Variants in HCN4 observed in about 807,000 individuals in gnomAD.
The protein encoded by HCN4 is hyperpolarization activated cyclic nucleotide gated potassium channel 4.
Under a neutral mutation model 76.9 loss-of-function variants are expected in HCN4, and 29 were observed. The ratio of observed to expected loss-of-function variants is 0.38; its 90% CI spans 0.28 to 0.51. The LOEUF is 0.51. Ranked by LOEUF, HCN4 falls within the 20% of genes least tolerant of loss-of-function variation. HCN4 has a pLI of 0.90. For synonymous variants in HCN4, 772 were observed against 762.5 expected, an observed-to-expected ratio of 1.01 and a Z score of -0.21; for missense variants, 1,416 against 1,715.2, an observed-to-expected ratio of 0.83 and a Z score of 3.08.
chr15:73,350,775 T>C (rs2043052251), intron 1 of HCN4, among the ~76,000 whole-genome samples: 1 of 151,938 alleles, frequency 6.6e-6, no homozygotes, highest in Middle Eastern at 3.2e-3. Context: ...GAAGATTCCC[T>C]CTCTCTCTTC....
At chr15:73,355,906 G>C (rs2151224757) in intron 1 of HCN4, among the ~76,000 whole-genome samples, 1 of 152,282 alleles carries the variant, frequency 6.6e-6, no homozygotes, top group South Asian at 2.1e-4. Context: ...GGGGAAGATG[G>C]GGGAGGTAAC....
At chr15:73,333,660 T>C (rs2042946398) in intron 2 of HCN4, among the ~76,000 whole-genome samples, 1 of 152,132 alleles carries the variant, frequency 6.6e-6, no homozygotes, top group Non-Finnish European at 1.5e-5. Flanking sequence ...CTTTCCAGGA[T>C]GAAGTGGACA....
intron 1 of HCN4, among the ~76,000 whole-genome samples, chr15:73,360,394 A>G (rs1326292303): frequency 1.3e-5 from 2 of 152,032 alleles, no homozygotes; most frequent in Non-Finnish European, 2.9e-5. Flanking sequence ...CTATGAAACA[A>G]AGGCTCCAGG....
chr15:73,363,589 G>A (rs1366941123), intron 1 of HCN4, among the ~76,000 whole-genome samples: 1 of 152,170 alleles, frequency 6.6e-6, no homozygotes, highest in Non-Finnish European at 1.5e-5. Context: ...CAGAAATTAA[G>A]TGCCACACTC....
At position 73,322,493 on chromosome 15, in the gene HCN4, T is replaced by C. The variant is rs529004; in HGVS notation, c.3600A>G (p.Pro1200=). 1,468,713 of 1,593,540 alleles carry C rather than the reference T, an allele frequency of 0.92. 678,515 individuals are homozygous for C. The highest frequency in any genetic ancestry group is 0.95 in the Admixed American group (54,713 of 57,398). ...ARPEPVRSKL[P]SNL ...GGAAGGGCCCAGCTCATAGATTGGA[T>C]GGCAGTTTGGAGCGCACTGGCTCAG... The change falls in exon 8 of 8, where the codon CCA becomes CCG. Residue 1200 remains proline, a synonymous_variant. Transcript: ENST00000261917.
chr15:73,350,802 C>G (rs1458977927), intron 1 of HCN4, among the ~76,000 whole-genome samples: 6 of 152,148 alleles, frequency 3.9e-5, no homozygotes, highest in African/African-American at 1.4e-4. Flanking sequence ...TCTCTCTCCA[C>G]TGATCCTTTC....
chr15:73,358,671 G>C (rs2043091828), intron 1 of HCN4, among the ~76,000 whole-genome samples: 1 of 152,168 alleles, frequency 6.6e-6, no homozygotes, highest in South Asian at 2.1e-4. Context: ...CAGGGACTAA[G>C]GAGTACAGGT....
Position 73,325,278 on chromosome 15 carries a change from C to T in HCN4, c.1737+20G>A, listed in dbSNP as rs115706632. 4,225 of 1,614,028 alleles carry T rather than the reference C, an allele frequency of 2.6e-3. 91 individuals are homozygous for T. In the African/African-American group the frequency reaches 0.049, roughly 19 times the overall value. On this transcript the variant is annotated intron_variant, in intron 5 of 7. Coordinates refer to ENST00000261917, the MANE Select transcript of HCN4 (RefSeq NM_005477.3). This position sits in a 1 kb window ranked among gnomAD's most constrained non-coding sequence, Gnocchi z 7.4. The stretch of plus-strand genomic sequence containing the variant: ...AGGAAGGCCTGGCTCCCCTCCACGC[C>T]GGGCCGCCACACAGCTCACCTCCCG...
chr15:73,322,242 CTCCT>C lies in HCN4; in HGVS notation c.*235_*238del. On this transcript the variant is annotated 3_prime_UTR_variant, in exon 8 of 8. Coordinates refer to ENST00000261917, the MANE Select transcript of HCN4 (RefSeq NM_005477.3). ...TTTGCATTTGGGACCTGCCTGCTCC[CTCCT>C]CCCTCCCCCTCCCTCCCTCTAGTGC... The C allele has an allele frequency of 2.2e-6, 1 of 464,264 alleles. No individual in the cohort carries two copies. Among genetic ancestry groups the C allele is most frequent in the Non-Finnish European group, 4.0e-6 (1 of 252,688 alleles). The allele number at this position is 464,264 out of a possible 1,614,324, so 28.8% of individuals were successfully genotyped here.
At chr15:73,342,942 T>C (rs1385904234) in intron 2 of HCN4, among the ~76,000 whole-genome samples, 1 of 152,204 alleles carries the variant, frequency 6.6e-6, no homozygotes, top group Non-Finnish European at 1.5e-5. Flanking sequence ...GTCCCCCAAC[T>C]GGCCCTTTTC....
intron 1 of HCN4, among the ~76,000 whole-genome samples, chr15:73,349,402 G>GTACCTC (rs1371501078): frequency 3.3e-5 from 5 of 152,060 alleles, no homozygotes; most frequent in Admixed American, 2.0e-4. Flanking sequence ...TTTTACAGAT[G>GTACCTC]AGGAGACTGA....
chr15:73,322,486 G>A lies in HCN4; in HGVS notation c.3607C>T (p.Leu1203=), dbSNP rs2151213657. The A allele has an allele frequency of 6.3e-7, 1 of 1,591,226 alleles. No individual in the cohort carries two copies. Among genetic ancestry groups the A allele is most frequent in the Non-Finnish European group, 8.6e-7 (1 of 1,168,336 alleles). Reference sequence around the variant, plus strand: ...GAGGGAAGGAAGGGCCCAGCTCATAGATTGGATGGCAGTTTGGAGCGCACT... The same window carrying A: ...GAGGGAAGGAAGGGCCCAGCTCATAAATTGGATGGCAGTTTGGAGCGCACT... The part of the protein sequence containing the change: ...EPVRSKLPSN[L] Residue 1203 remains leucine, a synonymous_variant, in exon 8 of 8, where the codon CTA becomes TTA. Coordinates refer to ENST00000261917, the MANE Select transcript of HCN4 (RefSeq NM_005477.3).
In HCN4 at chr15:73,366,342, G is replaced by A. The variant is rs115641081; in HGVS notation, c.785+1144C>T. ...AGTTTGCAAAGAGGGCTCTGGGTTGGCAAAATGCTCATTTTTATAGGCAGG... is the reference window on the plus strand; with the variant it reads ...AGTTTGCAAAGAGGGCTCTGGGTTGACAAAATGCTCATTTTTATAGGCAGG... On this transcript the variant is annotated intron_variant, in intron 1 of 7. Coordinates refer to ENST00000261917, the MANE Select transcript of HCN4 (RefSeq NM_005477.3). Among the ~76,000 whole-genome samples, 230 of 152,228 alleles carry A rather than the reference G, an allele frequency of 1.5e-3. 1 individual carries two copies. Among genetic ancestry groups the A allele is most frequent in the African/African-American group, 5.2e-3 (216 of 41,530 alleles).
In HCN4 at chr15:73,368,490, G is replaced by A. The variant is rs2043141406; in HGVS notation, c.-220C>T. On this transcript the variant is annotated 5_prime_UTR_variant, in exon 1 of 8. Transcript: ENST00000261917. The surrounding 1 kb of genome is among the most constrained non-coding windows in gnomAD (Gnocchi z 6.9). Reference sequence around the variant, plus strand: ...CTCGCCGCGCTACACCTCCTCCCGGGCCCGGCTGGGCGCGGGGACCCCGCG... The same window carrying A: ...CTCGCCGCGCTACACCTCCTCCCGGACCCGGCTGGGCGCGGGGACCCCGCG... 1.7e-5 allele frequency: 6 copies of A among 346,526 alleles called. No homozygotes were observed. Among genetic ancestry groups the A allele is most frequent in the South Asian group, 2.9e-4 (2 of 6,914 alleles). The allele number at this position is 346,526 out of a possible 1,614,324, so 21.5% of individuals were successfully genotyped here.
chr15:73,340,367 A>G (rs1372879574), intron 2 of HCN4, among the ~76,000 whole-genome samples: 3 of 152,178 alleles, frequency 2.0e-5, no homozygotes, highest in Non-Finnish European at 4.4e-5. Context: ...TGGAGGAGGG[A>G]AAGAGCTGGC....
rs1060500102 is a variant in HCN4 at position 73,324,204 on chromosome 15, G to A, written c.2028C>T (p.Asp676=). Residue 676 remains aspartate (D), a synonymous_variant, in exon 7 of 8, where the codon GAC becomes GAT. Transcript: ENST00000261917. ...RGRRTASVRA[D]TYCRLYSLSV... is the part of the protein sequence containing the mutation. ...TCAGCGAGTAGAGGCGGCAGTAGGT[G>A]TCGGCCCTCACGCTGGCTGTGCGCC... The A allele has an allele frequency of 3.1e-6, 5 of 1,614,110 alleles. No individual in the cohort carries two copies. The highest frequency in any genetic ancestry group is 1.1e-5 in the South Asian group (1 of 91,090).
rs144206811 is a variant in HCN4 at position 73,323,631 on chromosome 15, T to C, written c.2462A>G (p.Gln821Arg). Residue 821 changes from glutamine to arginine, a missense_variant, in exon 8 of 8, where the codon CAG becomes CGG. Gln to Arg is a conservative substitution (Grantham distance 43). Transcript: ENST00000261917. The part of the protein sequence containing the change: ...GSGLGNLGAG[Q>R]TPRHLKRLQS... ...CAGCCGTTTCAGGTGCCTTGGCGTC[T>C]GCCCGGCACCGAGGTTGCCCAGCCC... 1.3e-6 allele frequency: 2 copies of C among 1,598,976 alleles called. No homozygotes were observed. Among genetic ancestry groups the C allele is most frequent in the Non-Finnish European group, 1.7e-6 (2 of 1,176,130 alleles).
chr15:73,335,820 A>G (rs1449578607), intron 2 of HCN4, among the ~76,000 whole-genome samples: 1 of 151,874 alleles, frequency 6.6e-6, no homozygotes, highest in Non-Finnish European at 1.5e-5. Context: ...CTGTGGGGAG[A>G]GGAGCCTTCC....
At position 73,322,823 on chromosome 15, in the gene HCN4, C is replaced by G; in HGVS notation, c.3270G>C (p.Gln1090His). The G allele has an allele frequency of 6.5e-7, 1 of 1,528,266 alleles. No individual in the cohort carries two copies. Among genetic ancestry groups the G allele is most frequent in the South Asian group, 1.3e-5 (1 of 76,572 alleles). 94.7% of individuals were successfully genotyped at this position (1,528,266 alleles called of 1,614,324 possible). A position where few individuals can be genotyped will look rare whatever the true frequency, so the allele number is the denominator to read the frequency against. The change falls in exon 8 of 8, where the codon CAG (glutamine) becomes CAC (histidine). Residue 1090 changes from glutamine (Q) to histidine (H), a missense_variant. Gln to His is a conservative substitution (Grantham distance 24). Coordinates refer to ENST00000261917, the MANE Select transcript of HCN4 (RefSeq NM_005477.3). ...GCGCCCCGTCCTGAGGCAGGGCTGG[C>G]TGAGACGCGGAGATGAGCTTGAGGT... Reference protein sequence around the residue: ...TQDLKLISASQPALPQDGAQT... With the variant: ...TQDLKLISASHPALPQDGAQT...
Sources: allele counts gnomAD v4.1 joint callset (sites outside exome capture counted in the v4.1 genomes callset), GRCh38; gene constraint gnomAD v4.1.1; non-coding constraint Gnocchi (gnomAD v3.1); transcripts MANE v1.5; gene names NCBI Gene and HGNC (gene_info 2026-07-23, HGNC 2026-07-21).